SDK1: variants seen among roughly 807,000 people sequenced by gnomAD.
SDK1 encodes the protein sidekick cell adhesion molecule 1.
Under a neutral mutation model 245.5 loss-of-function variants are expected in SDK1, and 157 were observed. The observed-to-expected ratio is 0.64, with a 90% confidence interval of 0.56 to 0.73. The LOEUF is 0.73. Ranked by LOEUF, SDK1 falls within the 30% of genes least tolerant of loss-of-function variation. The pLI is 0.00. For missense variants in SDK1, 3,583 were observed against 3,002.3 expected (o/e 1.19, Z -4.52); for synonymous variants, 1,647 against 1,278.5 (o/e 1.29, Z -6.15).
intron 1 of SDK1, among the ~76,000 whole-genome samples, chr7:3,350,378 A>G (rs1363919377): frequency 1.3e-5 from 2 of 152,210 alleles, no homozygotes; most frequent in African/African-American, 4.8e-5. Flanking sequence ...TTGTGAAGCA[A>G]GTGAGTCCCT....
chr7:3,708,847 T>C (rs1023625117), intron 4 of SDK1, among the ~76,000 whole-genome samples: 39 of 152,396 alleles, frequency 2.6e-4, no homozygotes, highest in African/African-American at 9.1e-4. Flanking sequence ...ATTTTCTATC[T>C]ATTCTGCCCA....
At chr7:3,949,561 G>A (rs887659130) in intron 5 of SDK1, among the ~76,000 whole-genome samples, 9 of 152,162 alleles carry the variant, frequency 5.9e-5, no homozygotes, top group African/African-American at 1.4e-4. Context: ...AGCGTTTTGC[G>A]TTTGCAGTCA....
intron 1 of SDK1, among the ~76,000 whole-genome samples, chr7:3,445,519 T>C (rs889000533): frequency 2.0e-5 from 3 of 152,318 alleles, no homozygotes; most frequent in Non-Finnish European, 2.9e-5. Flanking sequence ...GAAATAATTA[T>C]AGATGTGTAA....
intron 1 of SDK1, among the ~76,000 whole-genome samples, chr7:3,414,695 A>G (rs1212663402): frequency 6.6e-6 from 1 of 152,134 alleles, no homozygotes; most frequent in Non-Finnish European, 1.5e-5. Flanking sequence ...ACTGCAGAAC[A>G]TTTTTATCAC....
At chr7:4,025,043 CACACACAA>C (rs1397762723) in intron 17 of SDK1, among the ~76,000 whole-genome samples, 1 of 151,082 alleles carries the variant, frequency 6.6e-6, no homozygotes, top group Non-Finnish European at 1.5e-5. Flanking sequence ...CACACACACA[CACACACAA>C]ACAGAGCATC....
At chr7:4,234,109 CAA>C (rs1333280617) in intron 41 of SDK1, among the ~76,000 whole-genome samples, 2 of 152,212 alleles carry the variant, frequency 1.3e-5, no homozygotes, top group African/African-American at 4.8e-5. Flanking sequence ...GAGTGCCTGA[CAA>C]GAGGTCACGT....
At chr7:3,481,124 G>T (rs1338466142) in intron 1 of SDK1, among the ~76,000 whole-genome samples, 1 of 151,884 alleles carries the variant, frequency 6.6e-6, no homozygotes, top group Non-Finnish European at 1.5e-5. Flanking sequence ...ATTTTATTTT[G>T]TCCTTTCACT....
At chr7:4,007,433 G>C (rs967667684) in intron 14 of SDK1, among the ~76,000 whole-genome samples, 1 of 152,052 alleles carries the variant, frequency 6.6e-6, no homozygotes, top group African/African-American at 2.4e-5. Flanking sequence ...AGGAAGCCTC[G>C]GGGCAGGAGT....
At chr7:3,418,145 G>GAAAAAAAAAAAAAAAAAAAAA (rs200914826) in intron 1 of SDK1, among the ~76,000 whole-genome samples, 3 of 119,726 alleles carry the variant, frequency 2.5e-5, no homozygotes, top group African/African-American at 1.2e-4. Flanking sequence ...TACTAAAAAT[G>GAAAAAAAAAAAAAAAAAAAAA]AAAAAAAAAA....
At chr7:4,064,910 G>T (rs1779769886) in intron 19 of SDK1, among the ~76,000 whole-genome samples, 1 of 152,158 alleles carries the variant, frequency 6.6e-6, no homozygotes, top group African/African-American at 2.4e-5. Context: ...GGGTGTGTCG[G>T]TGGAGCAGGG....
chr7:4,154,214 A>G (rs749563867), intron 30 of SDK1, among the ~76,000 whole-genome samples: 17 of 152,190 alleles, frequency 1.1e-4, no homozygotes, highest in Non-Finnish European at 2.1e-4. Context: ...TGTGGAGGTC[A>G]AGTTTGTGTA....
At chr7:4,040,443 A>G (rs1788543146) in intron 17 of SDK1, among the ~76,000 whole-genome samples, 1 of 152,214 alleles carries the variant, frequency 6.6e-6, no homozygotes, top group African/African-American at 2.4e-5. Context: ...CTAGGGTAAT[A>G]CCCAAAGTTT....
chr7:4,111,258 T>C (rs62438180), intron 23 of SDK1, among the ~76,000 whole-genome samples: 17,112 of 152,248 alleles, frequency 0.11, 1,061 homozygotes, highest in South Asian at 0.15. Flanking sequence ...ACCCCGAAAC[T>C]GATCCGGGCA....
intron 39 of SDK1, 83 bp downstream of exon 39, chr7:4,220,353 C>A: frequency 6.9e-7 from 1 of 1,446,168 alleles, no homozygotes; most frequent in Non-Finnish European, 9.5e-7. Flanking sequence ...GATCCATCTA[C>A]ATGGTCAACA....
chr7:3,561,148 C>A (rs754541671), intron 1 of SDK1, among the ~76,000 whole-genome samples: 8 of 152,160 alleles, frequency 5.3e-5, no homozygotes, highest in Non-Finnish European at 1.2e-4. Context: ...GCACCTGTTA[C>A]CTAAGAGACC....
intron 1 of SDK1, among the ~76,000 whole-genome samples, chr7:3,478,720 C>T (rs1178532679): frequency 6.6e-6 from 1 of 151,848 alleles, no homozygotes; most frequent in Non-Finnish European, 1.5e-5. Context: ...TTCCTTGATT[C>T]TACCTGATTC....
chr7:3,905,295 C>T (rs750447822), intron 5 of SDK1, among the ~76,000 whole-genome samples: 3 of 152,064 alleles, frequency 2.0e-5, no homozygotes, highest in Non-Finnish European at 4.4e-5. Flanking sequence ...AGTAATGCCG[C>T]AATGAATATT....
At position 4,178,971 on chromosome 7, in the gene SDK1, G is replaced by T. The variant is rs1033391702; in HGVS notation, c.5098+385G>T. Among the ~76,000 whole-genome samples, 3 of 152,340 alleles carry T rather than the reference G, an allele frequency of 2.0e-5. No homozygotes were observed. In the South Asian group the frequency reaches 6.2e-4, roughly 32 times the overall value. On this transcript the variant is annotated intron_variant, in intron 35 of 44. Coordinates refer to ENST00000404826, the MANE Select transcript of SDK1 (RefSeq NM_152744.4). ...CTGCATGGGTCCTTCAGTGGGCTTC[G>T]GCAGTGGCCTGGTGACAGCCCATTC...
chr7:3,396,258 C>A (rs1023003215), intron 1 of SDK1, among the ~76,000 whole-genome samples: 1 of 151,668 alleles, frequency 6.6e-6, no homozygotes, highest in African/African-American at 2.4e-5. Flanking sequence ...GGTAAATATA[C>A]TTTATACGAT....
Sources: gnomAD v4.1 joint callset for allele counts (sites outside exome capture counted in the v4.1 genomes callset) on GRCh38, gnomAD v4.1.1 for gene constraint, MANE v1.5 for transcripts, NCBI Gene and HGNC (gene_info 2026-07-23, HGNC 2026-07-21) for gene names.